The following CCNH variants were observed in gnomAD, a reference collection of about 807,000 sequenced individuals.
CCNH encodes the protein cyclin H, also known as cyclin-H.
A neutral mutation model predicts 41.9 loss-of-function variants in CCNH; 31 were observed. The observed-to-expected ratio is 0.74, with a 90% CI of 0.56 to 1.00. The LOEUF (loss-of-function observed/expected upper bound fraction) is 1.00. CCNH is among the 50% of genes least tolerant of loss of function. The pLI is 0.00. For synonymous variants in CCNH, 138 were observed against 136.1 expected (o/e 1.01, Z -0.10); for missense variants, 362 against 388.4 (o/e 0.93, Z 0.57).
intron 6 of CCNH, 50 bp downstream of exon 6, chr5:87,401,652 G>T (rs1380094854): frequency 9.1e-7 from 1 of 1,101,344 alleles, no homozygotes. Context: ...TATTTAGAAA[G>T]GAGCTTTGTA....
intron 9 of CCNH, among the ~76,000 whole-genome samples, chr5:87,354,057 T>C (rs962107701): frequency 6.6e-6 from 1 of 152,118 alleles, no homozygotes; most frequent in Admixed American, 6.6e-5. Context: ...TGATTTGTAG[T>C]GTGCCTAGTT....
chr5:87,378,714 A>T (rs972850154), upstream of CCNH, among the ~76,000 whole-genome samples: 1 of 152,232 alleles, frequency 6.6e-6, no homozygotes, highest in Non-Finnish European at 1.5e-5. Flanking sequence ...GACTTCTTAA[A>T]AAAGATGTAC....
intron 9 of CCNH, among the ~76,000 whole-genome samples, chr5:87,340,798 G>A (rs192714618): frequency 4.1e-4 from 63 of 152,194 alleles, no homozygotes; most frequent in African/African-American, 1.5e-3. Flanking sequence ...AGAACAAAAA[G>A]TACAAGCTAC....
intron 9 of CCNH, among the ~76,000 whole-genome samples, chr5:87,357,281 G>T (rs924369216): frequency 3.5e-4 from 53 of 151,994 alleles, no homozygotes; most frequent in African/African-American, 1.3e-3. Flanking sequence ...AATAACATGG[G>T]TGAGTGCTTT....
rs1561292504 is a variant in CCNH, at chr5:87,338,534, A to ATATATAT, written c.*91-19638_*91-19637insATATATA. On this transcript the variant is annotated intron_variant and NMD_transcript_variant, in intron 9 of 9. Transcript: ENST00000645953. ...ATATATATATATATATATATATATA[A>ATATATAT]AATTTTTTTTTTTTTTAAGTAGAAA... Among the ~76,000 whole-genome samples the ATATATAT allele has an allele frequency of 4.3e-4, 20 of 46,108 alleles. 2 individuals carry two copies. The highest frequency in any genetic ancestry group is 5.1e-4 in the Non-Finnish European group (11 of 21,406). The allele number at this position is 46,108 out of a possible 152,430, so 30.2% of individuals were successfully genotyped here. A position where few individuals can be genotyped will look rare whatever the true frequency, so the allele number is the denominator to read the frequency against.
chr5:87,387,021 C>A, downstream of CCNH: 1 of 981,958 alleles, frequency 1.0e-6, no homozygotes, highest in Non-Finnish European at 1.5e-6. Flanking sequence ...AGACAAAAAG[C>A]CTGCAAATTT....
chr5:87,396,362 C>T (rs958877909), intron 7 of CCNH, among the ~76,000 whole-genome samples: 9 of 152,188 alleles, frequency 5.9e-5, no homozygotes, highest in Non-Finnish European at 1.3e-4. Context: ...TGGCTCACGC[C>T]TGTAATCCCA....
At chr5:87,314,368 A>C (rs1264199764), downstream of CCNH, among the ~76,000 whole-genome samples, 1 of 152,116 alleles carries the variant, frequency 6.6e-6, no homozygotes. Context: ...TTGTTTCTGG[A>C]GATAATATTA....
At chr5:87,355,057 C>T (rs1385142653) in intron 9 of CCNH, among the ~76,000 whole-genome samples, 3 of 152,166 alleles carry the variant, frequency 2.0e-5, no homozygotes, top group African/African-American at 7.2e-5. Flanking sequence ...ATCTCCATAA[C>T]ATAAAAGTGT....
downstream of CCNH, chr5:87,390,875 G>A (rs781719475): frequency 1.9e-6 from 3 of 1,610,814 alleles, no homozygotes; most frequent in South Asian, 1.1e-5. Flanking sequence ...AACCAATGAT[G>A]TCAGGTAGCA....
intron 9 of CCNH, among the ~76,000 whole-genome samples, chr5:87,341,022 A>C (rs997417747): frequency 6.6e-6 from 1 of 151,830 alleles, no homozygotes; most frequent in Non-Finnish European, 1.5e-5. Context: ...TGATGTATCC[A>C]GATTAGAGTG....
chr5:87,342,719 T>C (rs1025952149), intron 9 of CCNH, among the ~76,000 whole-genome samples: 3 of 152,202 alleles, frequency 2.0e-5, no homozygotes, highest in Admixed American at 2.0e-4. Flanking sequence ...AACTAGAAAG[T>C]GTTTGCCTAT....
At chr5:87,409,954 A>G (rs1308722130) in intron 2 of CCNH, among the ~76,000 whole-genome samples, 1 of 152,164 alleles carries the variant, frequency 6.6e-6, no homozygotes, top group African/African-American at 2.4e-5. Context: ...TTTAATCCTT[A>G]CAACAGCTTG....
intron 9 of CCNH, among the ~76,000 whole-genome samples, chr5:87,322,924 GTGTC>G (rs1183004119): frequency 1.3e-5 from 2 of 152,222 alleles, no homozygotes; most frequent in Admixed American, 6.5e-5. Flanking sequence ...AAGTGTGAGA[GTGTC>G]TGTGTGTTTG....
At chr5:87,400,788 T>C (rs1334729679) in intron 6 of CCNH, among the ~76,000 whole-genome samples, 1 of 152,188 alleles carries the variant, frequency 6.6e-6, no homozygotes, top group African/African-American at 2.4e-5. Context: ...ACAAGAAGGT[T>C]TGGAAACAAA....
chr5:87,362,417 A>C (rs1760174179), intron 9 of CCNH: 2 of 818,950 alleles, frequency 2.4e-6, no homozygotes, highest in Non-Finnish European at 3.8e-6. Context: ...GGAAAGCAAA[A>C]GATCATTTAT....
chr5:87,391,660 A>G (rs1047683381), downstream of CCNH: 2 of 233,014 alleles, frequency 8.6e-6, no homozygotes, highest in African/African-American at 4.4e-5. Context: ...CCATTCAACC[A>G]TTTTATAGAC....
chr5:87,336,527 TG>T (rs1200799874), intron 9 of CCNH, among the ~76,000 whole-genome samples: 1 of 152,114 alleles, frequency 6.6e-6, no homozygotes, highest in African/African-American at 2.4e-5. Flanking sequence ...CACTTTAGCC[TG>T]TTTTAGGGGG....
chr5:87,387,133 T>C (rs1319965577), downstream of CCNH, among the ~76,000 whole-genome samples: 1 of 152,196 alleles, frequency 6.6e-6, no homozygotes, highest in African/African-American at 2.4e-5. Context: ...TTGTGGCTTT[T>C]AGACTACTTC....
Sources: allele counts gnomAD v4.1 joint callset (sites outside exome capture counted in the v4.1 genomes callset), GRCh38; gene constraint gnomAD v4.1.1; transcripts MANE v1.5; gene names NCBI Gene and HGNC (gene_info 2026-07-23, HGNC 2026-07-21).